Variants in MPV17L observed in about 807,000 individuals in gnomAD.
MPV17L encodes the protein mpv17-like protein.
In MPV17L, 24 loss-of-function variants were observed where a neutral mutation model predicts 25.8. That is an observed-to-expected ratio of 0.93 (90% CI 0.67 to 1.31). MPV17L has a LOEUF of 1.31. Ranked by LOEUF, MPV17L falls within the 50% of genes most tolerant of loss-of-function variation. MPV17L has a pLI of 0.00. For missense variants in MPV17L, 250 were observed against 265.6 expected (o/e 0.94, Z 0.41); for synonymous variants, 102 against 115.3 (o/e 0.88, Z 0.74).
rs1401519586 is a variant in MPV17L at position 15,412,392 on chromosome 16, T to C, written c.*4280T>C. On this transcript the variant is annotated 3_prime_UTR_variant, in exon 4 of 4. Transcript: ENST00000396385. ...TTGCAGTGAGCCGAGATCACGCCAC[T>C]GCACTCCAGGAAGGGCAACAGAGCA... is the stretch of plus-strand genomic sequence containing the variant. 1.3e-5 allele frequency: 2 copies of C among 148,450 alleles called. No homozygotes were observed. Among genetic ancestry groups the C allele is most frequent in the East Asian group, 4.1e-4 (2 of 4,906 alleles). The allele number at this position is 148,450 out of a possible 1,614,324, so 9.2% of individuals were successfully genotyped here.
rs752926360 is a variant in MPV17L at position 15,396,168 on chromosome 16, G to T, written c.271G>T (p.Val91Leu). The T allele has an allele frequency of 2.5e-5, 38 of 1,550,374 alleles. No individual in the cohort carries two copies. The Middle Eastern group carries it at 6.7e-4, about 27-fold the overall frequency. The change falls in exon 1 of 4, where the codon GTG (valine) becomes TTG (leucine). Residue 91 changes from valine to leucine, a missense_variant. Coordinates refer to ENST00000396385, the MANE Select transcript of MPV17L (RefSeq NM_001128423.2). Reference sequence around the variant, plus strand: ...GCTGGCCAAGTTGCTGTGCGACCAGGTGGTCGGTGCGCCCATCGCGGTCTC... The same window carrying T: ...GCTGGCCAAGTTGCTGTGCGACCAGTTGGTCGGTGCGCCCATCGCGGTCTC... Reference protein sequence around the residue: ...ALLAKLLCDQVVGAPIAVSAF... With the variant: ...ALLAKLLCDQLVGAPIAVSAF...
chr16:15,399,472 C>A, intron 1 of MPV17L: 1 of 449,504 alleles, frequency 2.2e-6, no homozygotes, highest in Admixed American at 2.4e-5. Flanking sequence ...GTGATGTGAT[C>A]ACAGCTCATT....
rs2050573372 is a variant in MPV17L at position 15,395,858 on chromosome 16, A to G, written c.-40A>G. The stretch of plus-strand genomic sequence containing the variant: ...CCGGACCCGGTGCAGGAAGACGCCG[A>G]CCACGCGGGCTCCTGATCGCGGGCG... On this transcript the variant is annotated 5_prime_UTR_variant, in exon 1 of 4. Transcript: ENST00000396385. 1.5e-6 allele frequency: 2 copies of G among 1,372,640 alleles called. No homozygotes were observed. Among genetic ancestry groups the G allele is most frequent in the Admixed American group, 4.0e-5 (1 of 25,084 alleles). The allele number at this position is 1,372,640 out of a possible 1,614,324, so 85.0% of individuals were successfully genotyped here. A position where few individuals can be genotyped will look rare whatever the true frequency, so the allele number is the denominator to read the frequency against.
Position 15,408,298 on chromosome 16 carries a change from T to C in MPV17L, c.*186T>C. 2 of 503,578 alleles carry C rather than the reference T, an allele frequency of 4.0e-6. No individual in the cohort carries two copies. The highest frequency in any genetic ancestry group is 6.0e-5 in the East Asian group (2 of 33,416). 31.2% of individuals were successfully genotyped at this position (503,578 alleles called of 1,614,324 possible). On this transcript the variant is annotated 3_prime_UTR_variant, in exon 4 of 4. Transcript: ENST00000396385. ...TTGTATTCAGACTTTTTTCCTGTTC[T>C]AGTCTGAAATATTACTTCTCTAATA...
chr16:15,400,164 C>T (rs2050620449), intron 1 of MPV17L, among the ~76,000 whole-genome samples: 1 of 152,064 alleles, frequency 6.6e-6, no homozygotes, highest in African/African-American at 2.4e-5. Context: ...CAACATTTCA[C>T]AAAATGTTTG....
At position 15,395,800 on chromosome 16, in the gene MPV17L, T is replaced by C. The variant is rs2050572358; in HGVS notation, c.-98T>C. The stretch of plus-strand genomic sequence containing the variant: ...GGGGGCAGATGCAGGTGCCGGCTGC[T>C]GCAGTGCAGTAGCTGCTGGAGGCTG... On this transcript the variant is annotated 5_prime_UTR_variant, in exon 1 of 4. Coordinates refer to ENST00000396385, the MANE Select transcript of MPV17L (RefSeq NM_001128423.2). 1.1e-5 allele frequency: 12 copies of C among 1,114,574 alleles called. No individual in the cohort carries two copies. The highest frequency in any genetic ancestry group is 1.4e-5 in the Non-Finnish European group (12 of 846,846). The allele number at this position is 1,114,574 out of a possible 1,614,324, so 69.0% of individuals were successfully genotyped here.
intron 2 of MPV17L, among the ~76,000 whole-genome samples, chr16:15,407,446 T>G (rs905223389): frequency 6.6e-5 from 10 of 152,042 alleles, no homozygotes; most frequent in Non-Finnish European, 1.3e-4. Context: ...TTTTGTGTGG[T>G]TAAAAGGTAT....
In MPV17L at chr16:15,408,370, TTAA is replaced by T. The variant is rs1182849246; in HGVS notation, c.*261_*263del. 6 of 326,228 alleles carry T rather than the reference TTAA, an allele frequency of 1.8e-5. No homozygotes were observed. The highest frequency in any genetic ancestry group is 6.4e-5 in the African/African-American group (3 of 47,130). The allele number at this position is 326,228 out of a possible 1,614,324, so 20.2% of individuals were successfully genotyped here. A position where few individuals can be genotyped will look rare whatever the true frequency, so the allele number is the denominator to read the frequency against. On this transcript the variant is annotated 3_prime_UTR_variant, in exon 4 of 4. Transcript: ENST00000396385. Reference sequence around the variant, plus strand: ...GTGGCAAAATGGCATTTTAGAATTATTAATATTTCTAATATTTTAACACAAGTT... The same window carrying T: ...GTGGCAAAATGGCATTTTAGAATTATTATTTCTAATATTTTAACACAAGTT...
intron 2 of MPV17L, among the ~76,000 whole-genome samples, chr16:15,404,734 ATC>A (rs2050666377): frequency 6.6e-6 from 1 of 152,124 alleles, no homozygotes; most frequent in African/African-American, 2.4e-5. Context: ...AGGCAGGAGA[ATC>A]ACTTGAACCC....
Position 15,396,021 on chromosome 16 carries a change from G to T in MPV17L, c.124G>T (p.Glu42Ter), listed in dbSNP as rs1478272473. 2 of 1,528,476 alleles carry T rather than the reference G, an allele frequency of 1.3e-6. No individual in the cohort carries two copies. The highest frequency in any genetic ancestry group is 2.5e-5 in the East Asian group (1 of 40,022). The allele number at this position is 1,528,476 out of a possible 1,614,324, so 94.7% of individuals were successfully genotyped here. Residue 42 changes from glutamate to a stop codon, truncating the protein, a stop_gained, in exon 1 of 4, where the codon GAG (glutamate) becomes TAG (stop). Coordinates refer to ENST00000396385, the MANE Select transcript of MPV17L (RefSeq NM_001128423.2). LOFTEE classifies it high-confidence loss of function. ...DALQQRLQGR[E>*]ANWRQTRRVA... ...GCTGCAACAGCGGCTGCAGGGCCGC[G>T]AGGCCAACTGGCGCCAGACGCGGCG...
At chr16:15,398,337 T>C (rs2050605051) in intron 1 of MPV17L, among the ~76,000 whole-genome samples, 1 of 151,746 alleles carries the variant, frequency 6.6e-6, no homozygotes, top group Admixed American at 6.6e-5. Context: ...GCCCTCACAC[T>C]TGAGATTGTT....
chr16:15,403,666 T>C (rs1311788110), intron 2 of MPV17L, among the ~76,000 whole-genome samples: 1 of 131,866 alleles, frequency 7.6e-6, no homozygotes, highest in Non-Finnish European at 1.6e-5. Flanking sequence ...AGTGAGACCA[T>C]GGTTCAAAAA....
At position 15,411,978 on chromosome 16, in the gene MPV17L, G is replaced by A. The variant is rs1488990059; in HGVS notation, c.*3866G>A. ...CCCTTTAGCTTTAAATAATGCAGAA[G>A]CATATGCCCAGTTTACTTGTAATTA... On this transcript the variant is annotated 3_prime_UTR_variant, in exon 4 of 4. Coordinates refer to ENST00000396385, the MANE Select transcript of MPV17L (RefSeq NM_001128423.2). The A allele has an allele frequency of 6.6e-6, 1 of 152,108 alleles. No homozygotes were observed. Among genetic ancestry groups the A allele is most frequent in the Non-Finnish European group, 1.5e-5 (1 of 68,018 alleles). The allele number at this position is 152,108 out of a possible 1,614,324, so 9.4% of individuals were successfully genotyped here. A position where few individuals can be genotyped will look rare whatever the true frequency, so the allele number is the denominator to read the frequency against.
rs62039092 is a variant in MPV17L, at chr16:15,400,864, T to C, written c.381+7T>C. 0.11 allele frequency: 175,448 copies of C among 1,582,290 alleles called. 10,222 individuals are homozygous for C. The highest frequency in any genetic ancestry group is 0.13 in the South Asian group (10,902 of 86,486). On this transcript the variant is annotated splice_region_variant and intron_variant, in intron 2 of 3. Coordinates refer to ENST00000396385, the MANE Select transcript of MPV17L (RefSeq NM_001128423.2). ...ATTCTGGAATACCTATCTGGTAAGA[T>C]AGGCGTTTGAAAATGTAATCACTAT...
intron 1 of MPV17L, 142 bp downstream of exon 1, chr16:15,396,349 T>C: frequency 8.8e-7 from 1 of 1,133,626 alleles, no homozygotes; most frequent in African/African-American, 1.6e-5. Flanking sequence ...AGACCGGAGC[T>C]GCTTCAGAGG....
chr16:15,408,880 G>A lies in MPV17L; in HGVS notation c.*768G>A. On this transcript the variant is annotated 3_prime_UTR_variant, in exon 4 of 4. Transcript: ENST00000396385. ...GCTCACTGCAAGCTCCGCCTCCCGG[G>A]TTCACGCCATTCTGCGTCAGCCTCC... is the stretch of plus-strand genomic sequence containing the variant. 1 of 151,794 alleles carries A rather than the reference G, an allele frequency of 6.6e-6. No homozygotes were observed. 9.4% of individuals were successfully genotyped at this position (151,794 alleles called of 1,614,324 possible). A position where few individuals can be genotyped will look rare whatever the true frequency, so the allele number is the denominator to read the frequency against.
At position 15,407,849 on chromosome 16, in the gene MPV17L, TACAG is replaced by T. The variant is rs1176922440; in HGVS notation, c.408_411del (p.Gln137Ter). ...AGTGGACTGATGTACTGGCCCTTTG[TACAG>T]GTAAGTTCCACCTACTCAGTAATAT... On this transcript the variant is annotated frameshift_variant and splice_region_variant, in exon 3 of 4. Transcript: ENST00000396385. LOFTEE classifies it high-confidence loss of function. 2.5e-6 allele frequency: 4 copies of T among 1,613,900 alleles called. No individual in the cohort carries two copies. The highest frequency in any genetic ancestry group is 1.7e-5 in the Admixed American group (1 of 59,956).
At chr16:15,399,428 C>T (rs1467092726) in intron 1 of MPV17L, 1 of 453,876 alleles carries the variant, frequency 2.2e-6, no homozygotes, top group Admixed American at 2.4e-5. Flanking sequence ...TTTTCTGAGA[C>T]AGGGTCTCAC....
chr16:15,407,203 T>C (rs2050688200), intron 2 of MPV17L, among the ~76,000 whole-genome samples: 1 of 152,240 alleles, frequency 6.6e-6, no homozygotes, highest in Non-Finnish European at 1.5e-5. Flanking sequence ...CCAAAGCCGC[T>C]GTCTTCCAGA....
Sources: gnomAD v4.1 joint callset for allele counts (sites outside exome capture counted in the v4.1 genomes callset) on GRCh38, gnomAD v4.1.1 for gene constraint, MANE v1.5 for transcripts, NCBI Gene and HGNC (gene_info 2026-07-23, HGNC 2026-07-21) for gene names.